The following GPHN variants were observed in gnomAD, a reference collection of about 807,000 sequenced individuals.
GPHN encodes gephyrin.
GPHN carries 17 observed loss-of-function variants against 95.5 expected under a neutral mutation model. The ratio of observed to expected loss-of-function variants is 0.18; its 90% CI spans 0.12 to 0.27. The LOEUF (loss-of-function observed/expected upper bound fraction) is 0.27, where lower values mean the gene tolerates loss of function less well. Ranked by LOEUF, GPHN falls within the 10% of genes least tolerant of loss-of-function variation. The probability of loss-of-function intolerance (pLI) is 1.00; values close to 1 mark genes in which losing one functional copy is unlikely to be tolerated. For synonymous variants in GPHN, 320 were observed against 322.5 expected (o/e 0.99, Z 0.08); for missense variants, 660 against 978.1 (o/e 0.67, Z 4.34).
At chr14:66,779,087 C>T (rs1191960637) in intron 3 of GPHN, among the ~76,000 whole-genome samples, 1 of 152,062 alleles carries the variant, frequency 6.6e-6, no homozygotes, top group Non-Finnish European at 1.5e-5. Context: ...AATTTGTTTG[C>T]ATTATTTTTA....
chr14:66,701,561 CAG>C (rs2068560844), intron 2 of GPHN, among the ~76,000 whole-genome samples: 1 of 152,184 alleles, frequency 6.6e-6, no homozygotes, highest in Non-Finnish European at 1.5e-5. Context: ...GGGAGCCACA[CAG>C]GGCAGGGTAG....
chr14:67,500,137 C>T, the GPHN span, among the ~76,000 whole-genome samples: 1 of 152,190 alleles, frequency 6.6e-6, no homozygotes, highest in South Asian at 2.1e-4. Flanking sequence ...GCACTCCAGC[C>T]TGGGCAACAG....
chr14:67,600,356 G>A, the GPHN span: 5 of 611,658 alleles, frequency 8.2e-6, no homozygotes, highest in African/African-American at 4.0e-5. Flanking sequence ...GAGCTCTGCT[G>A]GGGGCTGATG....
intron 9 of GPHN, among the ~76,000 whole-genome samples, chr14:67,010,210 GAAGAA>G (rs1171419143): frequency 6.6e-6 from 1 of 152,008 alleles, no homozygotes; most frequent in Non-Finnish European, 1.5e-5. Flanking sequence ...ATGGTGAACT[GAAGAA>G]AAGAGAAGAG....
chr14:67,566,646 G>A, the GPHN span, among the ~76,000 whole-genome samples: 1 of 152,114 alleles, frequency 6.6e-6, no homozygotes, highest in East Asian at 1.9e-4. Context: ...TACTCAGGAG[G>A]CTTAAGTGGA....
At chr14:67,077,355 A>C (rs947209827) in intron 11 of GPHN, among the ~76,000 whole-genome samples, 4 of 152,172 alleles carry the variant, frequency 2.6e-5, no homozygotes, top group African/African-American at 9.7e-5. Flanking sequence ...AGGTTAGGCA[A>C]GGCTAGGCTC....
At chr14:66,618,985 A>AT (rs2063170246) in intron 1 of GPHN, among the ~76,000 whole-genome samples, 1 of 151,980 alleles carries the variant, frequency 6.6e-6, no homozygotes, top group Non-Finnish European at 1.5e-5. Context: ...ATCAGTTTGC[A>AT]TTTTCTAGAG....
chr14:67,594,014 A>ATTGCC, the GPHN span: 1 of 1,092,578 alleles, frequency 9.2e-7, no homozygotes, highest in Non-Finnish European at 1.4e-6. Flanking sequence ...ACTCCAGGCA[A>ATTGCC]TGAGGGGAAC....
intron 5 of GPHN, among the ~76,000 whole-genome samples, chr14:66,882,373 C>A (rs2063970512): frequency 6.6e-6 from 1 of 151,624 alleles, no homozygotes; most frequent in Non-Finnish European, 1.5e-5. Flanking sequence ...GCCTTACCTT[C>A]CTATTTTTAT....
chr14:67,093,341 C>A (rs900078763), intron 12 of GPHN, among the ~76,000 whole-genome samples: 2 of 152,104 alleles, frequency 1.3e-5, no homozygotes, highest in Non-Finnish European at 2.9e-5. Flanking sequence ...TTAGAATACA[C>A]CAAAATTCAA....
chr14:66,819,639 G>GT (rs948305081), intron 3 of GPHN, among the ~76,000 whole-genome samples: 1 of 151,138 alleles, frequency 6.6e-6, no homozygotes, highest in Non-Finnish European at 1.5e-5. Flanking sequence ...TTTTGTTTTT[G>GT]TTTTTTTGCT....
At chr14:67,729,134 G>A in the GPHN span, 2 of 1,552,990 alleles carry the variant, frequency 1.3e-6, no homozygotes, top group Non-Finnish European at 1.8e-6. Context: ...CAGGAGATAA[G>A]CTGTTTTCCT....
chr14:66,833,536 A>G (rs1488532822), intron 4 of GPHN, among the ~76,000 whole-genome samples: 1 of 152,148 alleles, frequency 6.6e-6, no homozygotes, highest in Admixed American at 6.6e-5. Context: ...GCCAGTATAG[A>G]CAGTAAAATC....
chr14:67,734,670 A>C, the GPHN span, among the ~76,000 whole-genome samples: 1 of 152,246 alleles, frequency 6.6e-6, no homozygotes, highest in East Asian at 1.9e-4. Context: ...TGAGTTAGGC[A>C]GACAGAGAAA....
chr14:66,901,691 T>G (rs908764721), intron 5 of GPHN, among the ~76,000 whole-genome samples: 7 of 152,082 alleles, frequency 4.6e-5, no homozygotes, highest in Non-Finnish European at 1.0e-4. Flanking sequence ...TATAAATACA[T>G]GAATTTATAT....
intron 3 of GPHN, among the ~76,000 whole-genome samples, chr14:66,803,993 T>C (rs924168248): frequency 6.7e-6 from 1 of 150,070 alleles, no homozygotes. Flanking sequence ...TTTCAATGCA[T>C]CTCTTTTGGG....
intron 1 of GPHN, among the ~76,000 whole-genome samples, chr14:66,569,293 T>C (rs2060581037): frequency 6.6e-6 from 1 of 152,158 alleles, no homozygotes; most frequent in African/African-American, 2.4e-5. Flanking sequence ...TAGTTAATAT[T>C]ATTTTTTGTA....
intron 3 of GPHN, among the ~76,000 whole-genome samples, chr14:66,813,093 G>A (rs898820711): frequency 1.3e-5 from 2 of 152,112 alleles, no homozygotes; most frequent in African/African-American, 4.8e-5. Context: ...TGAAGTCAAA[G>A]TTATAATATT....
the GPHN span, among the ~76,000 whole-genome samples, chr14:67,218,380 A>G: frequency 6.6e-6 from 1 of 152,154 alleles, no homozygotes; most frequent in African/African-American, 2.4e-5. Flanking sequence ...GGTGGCCCAC[A>G]GAGCCGTTTC....
Sources: allele counts gnomAD v4.1 joint callset (sites outside exome capture counted in the v4.1 genomes callset), GRCh38; gene constraint gnomAD v4.1.1; transcripts MANE v1.5; gene names NCBI Gene and HGNC (gene_info 2026-07-23, HGNC 2026-07-21).